The following TDRP variants were observed in gnomAD, a reference collection of about 807,000 sequenced individuals.
TDRP encodes testis development related protein.
A neutral mutation model predicts 10.5 loss-of-function variants in TDRP; 12 were observed. The ratio of observed to expected loss-of-function variants is 1.15; its 90% confidence interval spans 0.73 to 1.86. The LOEUF (loss-of-function observed/expected upper bound fraction) is 1.86. Among genes scored for constraint, TDRP ranks in the 40% most tolerant of loss-of-function variants. The pLI, the probability that TDRP is intolerant of heterozygous loss-of-function variation, is 0.00. For synonymous variants in TDRP, 139 were observed against 95.4 expected, an observed-to-expected ratio of 1.46 and a Z score of -2.67; for missense variants, 353 against 229.2, an observed-to-expected ratio of 1.54 and a Z score of -3.49.
Position 492,001 on chromosome 8 carries a change from G to A in TDRP, c.*398C>T. ...AGCAAAAGAAAAGAACTGCATGACA[G>A]CTGCATTTATACGTGCTACATACAA... On this transcript the variant is annotated 3_prime_UTR_variant, in exon 3 of 3. Coordinates refer to ENST00000324079, the MANE Select transcript of TDRP (RefSeq NM_001384899.1). 1 of 1,115,830 alleles carries A rather than the reference G, an allele frequency of 9.0e-7. No individual in the cohort carries two copies. Among genetic ancestry groups the A allele is most frequent in the Non-Finnish European group, 1.1e-6 (1 of 915,358 alleles). 69.1% of individuals were successfully genotyped at this position (1,115,830 alleles called of 1,614,324 possible).
rs982799679 is a variant in TDRP at position 491,867 on chromosome 8, C to T, written c.*532G>A. The T allele has an allele frequency of 1.7e-6, 2 of 1,195,910 alleles. No homozygotes were observed. Among genetic ancestry groups the T allele is most frequent in the Non-Finnish European group, 2.1e-6 (2 of 964,974 alleles). 74.1% of individuals were successfully genotyped at this position (1,195,910 alleles called of 1,614,324 possible). On this transcript the variant is annotated 3_prime_UTR_variant, in exon 3 of 3. Transcript: ENST00000324079. ...ACTCCCAAATATAAGCTTTGCTTTT[C>T]CAGTATTTGTTTACGTATTTGTTTA...
At chr8:544,922 C>G, upstream of TDRP, 1 of 390,574 alleles carries the variant, frequency 2.6e-6, no homozygotes, top group East Asian at 4.1e-5. Context: ...CCGCCCCCTC[C>G]CCACCAGGCC....
intron 1 of TDRP, among the ~76,000 whole-genome samples, chr8:533,952 T>C (rs1172846378): frequency 6.6e-6 from 1 of 152,214 alleles, no homozygotes; most frequent in Non-Finnish European, 1.5e-5. Context: ...AAAAGTACAC[T>C]GTCATGTTTA....
At chr8:545,026 A>T (rs1802614594), upstream of TDRP, 2 of 251,328 alleles carry the variant, frequency 8.0e-6, no homozygotes, top group East Asian at 1.4e-4. Context: ...CCCGCCCCAA[A>T]CCCTTCCGAA....
At chr8:527,507 C>T (rs538568025) in intron 1 of TDRP, among the ~76,000 whole-genome samples, 198 of 152,184 alleles carry the variant, frequency 1.3e-3, no homozygotes, top group African/African-American at 4.6e-3. Flanking sequence ...TACCCGACTT[C>T]AAATTATACT....
intron 1 of TDRP, among the ~76,000 whole-genome samples, chr8:533,175 C>T (rs1380242757): frequency 1.3e-5 from 2 of 152,154 alleles, no homozygotes; most frequent in African/African-American, 4.8e-5. Context: ...AGTGGAGAAC[C>T]AGGTTCTTGT....
chr8:500,577 T>C (rs943302563), intron 1 of TDRP, among the ~76,000 whole-genome samples: 3 of 152,248 alleles, frequency 2.0e-5, no homozygotes, highest in Non-Finnish European at 4.4e-5. Flanking sequence ...ATTTGTAATC[T>C]TGAAATCTTA....
At chr8:543,243 G>T (rs1339229175) in intron 1 of TDRP, among the ~76,000 whole-genome samples, 1 of 152,062 alleles carries the variant, frequency 6.6e-6, no homozygotes, top group East Asian at 1.9e-4. Context: ...GCCCAGGCAG[G>T]TTGAGGCCGT....
rs1277500128 is a variant in TDRP, at chr8:499,442, G to C, written c.109-4845C>G. ...CACACCACTGTCCCTGTAGCACCTG[G>C]GTGGCTGCTGCACATCCCATCAGAT... On this transcript the variant is annotated intron_variant, in intron 1 of 2. Transcript: ENST00000324079. Among the ~76,000 whole-genome samples the C allele has an allele frequency of 4.6e-5, 7 of 152,210 alleles. No homozygotes were observed. In the East Asian group the frequency reaches 1.4e-3, roughly 29 times the overall value.
intron 1 of TDRP, among the ~76,000 whole-genome samples, chr8:514,320 A>G (rs1801695693): frequency 1.3e-5 from 2 of 152,210 alleles, no homozygotes; most frequent in African/African-American, 4.8e-5. Context: ...AGGTCAATTG[A>G]TTTTCAAGAA....
At chr8:519,078 A>G (rs1473932293) in intron 1 of TDRP, among the ~76,000 whole-genome samples, 1 of 46,452 alleles carries the variant, frequency 2.2e-5, no homozygotes, top group Non-Finnish European at 6.4e-5. Flanking sequence ...CAAAGAGAGA[A>G]GGAGGGCTAG....
At chr8:529,427 G>C (rs1563130008) in intron 1 of TDRP, among the ~76,000 whole-genome samples, 2 of 152,034 alleles carry the variant, frequency 1.3e-5, no homozygotes, top group African/African-American at 2.4e-5. Context: ...CTATATTATA[G>C]GATTCTGTTT....
At chr8:504,383 T>C (rs1292215020) in intron 1 of TDRP, among the ~76,000 whole-genome samples, 1 of 152,012 alleles carries the variant, frequency 6.6e-6, no homozygotes, top group Non-Finnish European at 1.5e-5. Context: ...GGTGCAGCAA[T>C]AAAGCATTCA....
chr8:531,013 C>G (rs1044272623), intron 1 of TDRP, among the ~76,000 whole-genome samples: 3 of 152,138 alleles, frequency 2.0e-5, no homozygotes, highest in Non-Finnish European at 4.4e-5. Flanking sequence ...CCAGTCAGCA[C>G]TGAGTCAGGA....
chr8:529,708 C>G (rs1189920349), intron 1 of TDRP, among the ~76,000 whole-genome samples: 1 of 152,176 alleles, frequency 6.6e-6, no homozygotes, highest in Non-Finnish European at 1.5e-5. Context: ...CCCTTTTGTA[C>G]TGTAATGTTT....
At chr8:494,293 A>C (rs1433720371) in intron 2 of TDRP, among the ~76,000 whole-genome samples, 2 of 152,012 alleles carry the variant, frequency 1.3e-5, no homozygotes, top group East Asian at 3.9e-4. Flanking sequence ...ATGGATGTTA[A>C]CTCCGAAGCA....
chr8:492,300 T>G lies in TDRP; in HGVS notation c.*99A>C, dbSNP rs915065671. 1.5e-6 allele frequency: 2 copies of G among 1,356,148 alleles called. No individual in the cohort carries two copies. The highest frequency in any genetic ancestry group is 9.5e-7 in the Non-Finnish European group (1 of 1,052,244). 84.0% of individuals were successfully genotyped at this position (1,356,148 alleles called of 1,614,324 possible). Reference sequence around the variant, plus strand: ...CCAAATATCAAATATAGGCAAAAAGTAGACTCTCTATTCTTTCTAACGCGG... The same window carrying G: ...CCAAATATCAAATATAGGCAAAAAGGAGACTCTCTATTCTTTCTAACGCGG... On this transcript the variant is annotated 3_prime_UTR_variant, in exon 3 of 3. Transcript: ENST00000324079.
At chr8:498,254 A>G (rs1273719673) in intron 1 of TDRP, among the ~76,000 whole-genome samples, 2 of 152,126 alleles carry the variant, frequency 1.3e-5, no homozygotes, top group Admixed American at 1.3e-4. Context: ...AAGAAATCAA[A>G]TGGGGCTGTA....
chr8:507,383 T>A (rs540037281), intron 1 of TDRP, among the ~76,000 whole-genome samples: 1 of 152,212 alleles, frequency 6.6e-6, no homozygotes, highest in South Asian at 2.1e-4. Context: ...GGATCCTTCT[T>A]GGGGTCAGAG....
Sources: gnomAD v4.1 joint callset for allele counts (sites outside exome capture counted in the v4.1 genomes callset) on GRCh38, gnomAD v4.1.1 for gene constraint, MANE v1.5 for transcripts, NCBI Gene and HGNC (gene_info 2026-07-23, HGNC 2026-07-21) for gene names.